CEP164: variants seen among roughly 807,000 people sequenced by gnomAD.
CEP164 encodes the protein centrosomal protein 164, also known as centrosomal protein of 164 kDa.
In CEP164, 162 loss-of-function variants were observed where a neutral mutation model predicts 182.7. The ratio of observed to expected loss-of-function variants is 0.89; its 90% confidence interval spans 0.78 to 1.01. CEP164 has a LOEUF of 1.01. Among genes scored for constraint, CEP164 ranks in the 50% least tolerant of loss-of-function variants. The pLI, the probability that CEP164 is intolerant of heterozygous loss-of-function variation, is 0.00. For missense variants in CEP164, 1,735 were observed against 1,790.4 expected, an observed-to-expected ratio of 0.97 and a Z score of 0.56; for synonymous variants, 661 against 690.0, an observed-to-expected ratio of 0.96 and a Z score of 0.66.
intron 27 of CEP164, among the ~76,000 whole-genome samples, chr11:117,403,479 G>GC (rs1461555338): frequency 6.6e-6 from 1 of 152,156 alleles, no homozygotes; most frequent in Non-Finnish European, 1.5e-5. Context: ...TTGAATATTG[G>GC]CCCCCACTCT....
chr11:117,408,685 T>C, intron 28 of CEP164: 1 of 645,672 alleles, frequency 1.5e-6, no homozygotes, highest in Admixed American at 3.0e-5. Context: ...ACAGCCTACA[T>C]ACCACCTTGA....
intron 5 of CEP164, among the ~76,000 whole-genome samples, 156 bp from the exon 6 acceptor site, chr11:117,361,679 T>C (rs1382215872): frequency 6.6e-6 from 1 of 152,178 alleles, no homozygotes; most frequent in African/African-American, 2.4e-5. Flanking sequence ...GGCACAATGG[T>C]AATTTCTGGA....
chr11:117,401,632 T>C (rs573510100), intron 27 of CEP164, among the ~76,000 whole-genome samples: 103 of 152,352 alleles, frequency 6.8e-4, no homozygotes, highest in Non-Finnish European at 8.7e-4. Context: ...TGTAGGCTTT[T>C]AATTACTGCC....
chr11:117,345,057 G>C (rs1342138807), intron 4 of CEP164, among the ~76,000 whole-genome samples: 1 of 152,168 alleles, frequency 6.6e-6, no homozygotes, highest in Non-Finnish European at 1.5e-5. Flanking sequence ...GTGTCCCTTG[G>C]GAACACTTGG....
chr11:117,372,954 A>T (rs2042367519), intron 9 of CEP164, among the ~76,000 whole-genome samples: 1 of 152,206 alleles, frequency 6.6e-6, no homozygotes, highest in Non-Finnish European at 1.5e-5. Flanking sequence ...CTTTGGCAAG[A>T]TCAGGTCAGT....
At chr11:117,343,583 T>C (rs895808501) in intron 3 of CEP164, among the ~76,000 whole-genome samples, 3 of 152,118 alleles carry the variant, frequency 2.0e-5, no homozygotes, top group Non-Finnish European at 4.4e-5. Flanking sequence ...TTCTTCCCTC[T>C]GAGGCCCCTG....
chr11:117,392,812 CT>C (rs1303296423), intron 19 of CEP164, among the ~76,000 whole-genome samples, 185 bp downstream of exon 19: 1 of 152,130 alleles, frequency 6.6e-6, no homozygotes, highest in Non-Finnish European at 1.5e-5. Flanking sequence ...TCTGATGCCC[CT>C]GTATGCATGT....
Position 117,408,996 on chromosome 11 carries a change from C to T in CEP164, c.3716C>T (p.Pro1239Leu), listed in dbSNP as rs61995733. The T allele has an allele frequency of 5.6e-3, 8,987 of 1,614,018 alleles. 227 individuals are homozygous for T. The highest frequency in any genetic ancestry group is 0.049 in the African/African-American group (3,681 of 75,004). Reference sequence around the variant, plus strand: ...AGTGAAAGTTCTGAATCTTTTTCCCCGCCTCACCGTGAGTGGTGGCGGCAG... The same window carrying T: ...AGTGAAAGTTCTGAATCTTTTTCCCTGCCTCACCGTGAGTGGTGGCGGCAG... ...LSSESSESFS[P>L]PHREWWRQQR... is the part of the protein sequence containing the mutation. Residue 1239 changes from proline (P) to leucine (L), a missense_variant, in exon 29 of 33, where the codon CCG becomes CTG. Coordinates refer to ENST00000278935, the MANE Select transcript of CEP164 (RefSeq NM_014956.5).
At chr11:117,324,997 G>A (rs572664148), upstream of CEP164, among the ~76,000 whole-genome samples, 2 of 152,306 alleles carry the variant, frequency 1.3e-5, no homozygotes, top group East Asian at 3.9e-4. Flanking sequence ...TCCCTGTTTT[G>A]TGCAGGTTTG....
chr11:117,334,784 CAAAAAAAAA>C (rs5795074), intron 1 of CEP164, among the ~76,000 whole-genome samples: 9 of 102,984 alleles, frequency 8.7e-5, no homozygotes, highest in Admixed American at 5.5e-4. Context: ...GACTTCGTTT[CAAAAAAAAA>C]AAAAAAAAAA....
chr11:117,394,115 G>A lies in CEP164; in HGVS notation c.2617-235G>A, dbSNP rs2045096008. On this transcript the variant is annotated intron_variant, in intron 20 of 32. Transcript: ENST00000278935. The surrounding 1 kb of genome is among the most constrained non-coding windows in gnomAD (Gnocchi z 4.0). ...GTGGAGCCATAGGGAGAGCCAGAAA[G>A]GGAATCTGTCGTGGTGTCTGACCAG... is the stretch of plus-strand genomic sequence containing the variant. 1.3e-5 allele frequency among the ~76,000 whole-genome samples: 2 copies of A among 152,256 alleles called. No individual in the cohort carries two copies. Among genetic ancestry groups the A allele is most frequent in the Non-Finnish European group, 2.9e-5 (2 of 68,044 alleles).
rs1050836486 is a variant in CEP164 at position 117,365,438 on chromosome 11, G to T, written c.765+1932G>T. Among the ~76,000 whole-genome samples the T allele has an allele frequency of 3.4e-4, 52 of 152,168 alleles. 1 individual carries two copies. Among genetic ancestry groups the T allele is most frequent in the African/African-American group, 1.3e-3 (52 of 41,428 alleles). On this transcript the variant is annotated intron_variant, in intron 8 of 32. Coordinates refer to ENST00000278935, the MANE Select transcript of CEP164 (RefSeq NM_014956.5). The stretch of plus-strand genomic sequence containing the variant: ...ATAGAGTGGGTACTTGGTCCCTGCT[G>T]TCAGCTGGTGGATGGAAGATCCTGA...
intron 1 of CEP164, among the ~76,000 whole-genome samples, chr11:117,329,200 C>T (rs1424100206): frequency 2.0e-5 from 3 of 152,018 alleles, no homozygotes; most frequent in Non-Finnish European, 4.4e-5. Context: ...GCCCTCAAGC[C>T]ATCCTCCCAC....
chr11:117,340,929 T>A (rs1440226868), intron 3 of CEP164, among the ~76,000 whole-genome samples: 1 of 152,194 alleles, frequency 6.6e-6, no homozygotes, highest in Non-Finnish European at 1.5e-5. Flanking sequence ...CAGGTTCAAG[T>A]GATTCTTCTG....
chr11:117,326,726 T>G (rs1565381895), upstream of CEP164, among the ~76,000 whole-genome samples: 1 of 152,234 alleles, frequency 6.6e-6, no homozygotes, highest in Admixed American at 6.5e-5. Flanking sequence ...TCTGAGTTTC[T>G]CATCCTGGAA....
intron 1 of CEP164, among the ~76,000 whole-genome samples, chr11:117,333,900 T>A (rs2036610270): frequency 1.3e-5 from 2 of 152,216 alleles, no homozygotes; most frequent in Admixed American, 1.3e-4. Context: ...CCCAGCATCC[T>A]ATCCAACTGT....
rs1479494606 is a variant in CEP164, at chr11:117,375,745, T to C, written c.1271T>C (p.Leu424Pro). The C allele has an allele frequency of 1.2e-6, 2 of 1,614,172 alleles. No individual in the cohort carries two copies. Among genetic ancestry groups the C allele is most frequent in the East Asian group, 4.5e-5 (2 of 44,868 alleles). ...CGCAGCCGGATCTCGGAGCACCTGC[T>C]GGATGTTGATGTGCTTTCCCCAGTC... ...GFRSRISEHL[L>P]DVDVLSPVLG... The change falls in exon 11 of 33, where the codon CTG becomes CCG. Residue 424 changes from leucine to proline, a missense_variant. Transcript: ENST00000278935.
intron 5 of CEP164, among the ~76,000 whole-genome samples, chr11:117,353,099 G>A (rs2039863998): frequency 6.6e-6 from 1 of 152,136 alleles, no homozygotes. Context: ...GCCTGGGGCA[G>A]GTGGGGCATG....
At chr11:117,399,828 A>C (rs532882857) in intron 27 of CEP164, among the ~76,000 whole-genome samples, 23 of 151,574 alleles carry the variant, frequency 1.5e-4, no homozygotes, top group African/African-American at 5.1e-4. Flanking sequence ...CTTTTTGATG[A>C]GGTTGTTTGT....
Sources: gnomAD v4.1 joint callset for allele counts (sites outside exome capture counted in the v4.1 genomes callset) on GRCh38, gnomAD v4.1.1 for gene constraint, Gnocchi (gnomAD v3.1) non-coding constraint, MANE v1.5 for transcripts, NCBI Gene and HGNC (gene_info 2026-07-23, HGNC 2026-07-21) for gene names.